Variants in BACH2 observed in about 807,000 individuals in gnomAD.
BACH2 encodes transcription regulator protein BACH2.
In BACH2, 5 loss-of-function variants were observed where a neutral mutation model predicts 61.8. The ratio of observed to expected loss-of-function variants is 0.08; its 90% CI spans 0.04 to 0.17. The LOEUF (loss-of-function observed/expected upper bound fraction) is 0.17, where lower values mean the gene tolerates loss of function less well. Ranked by LOEUF, BACH2 falls within the 10% of genes least tolerant of loss-of-function variation. The pLI is 1.00. For missense variants in BACH2, 824 were observed against 1,091.1 expected (o/e 0.76, Z 3.45); for synonymous variants, 446 against 440.1 (o/e 1.01, Z -0.17).
At chr6:90,164,563 T>A (rs1159778645) in intron 4 of BACH2, among the ~76,000 whole-genome samples, 2 of 152,168 alleles carry the variant, frequency 1.3e-5, no homozygotes, top group African/African-American at 4.8e-5. Flanking sequence ...ACTCATTTTA[T>A]GAGGCCAGCA....
rs1360872392 is a variant in BACH2, at chr6:90,033,416, C to T, written c.-12-24560G>A. 5.3e-5 allele frequency among the ~76,000 whole-genome samples: 8 copies of T among 151,178 alleles called. No individual in the cohort carries two copies. The South Asian group carries it at 1.3e-3, about 24-fold the overall frequency. ...GGCCACAGAGCAACTTTTCCTCACGCACAGGAATGTGCTTTAGTTCTACTC... is the reference window on the plus strand; with the variant it reads ...GGCCACAGAGCAACTTTTCCTCACGTACAGGAATGTGCTTTAGTTCTACTC... On this transcript the variant is annotated intron_variant, in intron 5 of 8. Transcript: ENST00000257749.
In BACH2 at chr6:89,928,183, CA is replaced by C. The variant is rs1233244570; in HGVS notation, c.*4224del. ...AGTCTATTTACAGTCATTTGAGGAC[CA>C]AACTTGATTCTTGCTCCTTCTGGAT... On this transcript the variant is annotated 3_prime_UTR_variant, in exon 9 of 9. Transcript: ENST00000257749. 1 of 152,286 alleles carries C rather than the reference CA, an allele frequency of 6.6e-6. No individual in the cohort carries two copies. Among genetic ancestry groups the C allele is most frequent in the African/African-American group, 2.4e-5 (1 of 41,428 alleles). The allele number at this position is 152,286 out of a possible 1,614,324, so 9.4% of individuals were successfully genotyped here. A position where few individuals can be genotyped will look rare whatever the true frequency, so the allele number is the denominator to read the frequency against.
intron 6 of BACH2, among the ~76,000 whole-genome samples, chr6:89,980,996 C>A (rs1436706469): frequency 6.6e-6 from 1 of 151,306 alleles, no homozygotes; most frequent in African/African-American, 2.4e-5. Flanking sequence ...TTAAAGATGA[C>A]AAATGGTCTA....
chr6:90,257,015 C>T (rs1771001301), intron 2 of BACH2, among the ~76,000 whole-genome samples: 1 of 152,300 alleles, frequency 6.6e-6, no homozygotes, highest in Admixed American at 6.5e-5. Flanking sequence ...AATGGGCTTT[C>T]CCATGTTGTG....
intron 1 of BACH2, among the ~76,000 whole-genome samples, chr6:90,279,039 A>G (rs1247727847): frequency 1.3e-5 from 2 of 152,192 alleles, no homozygotes; most frequent in Admixed American, 1.3e-4. Flanking sequence ...AAGCTGGTGT[A>G]TATTGCACAG....
At chr6:89,991,475 G>A (rs936868964) in intron 6 of BACH2, among the ~76,000 whole-genome samples, 5 of 151,834 alleles carry the variant, frequency 3.3e-5, no homozygotes, top group South Asian at 2.1e-4. Flanking sequence ...GCGTGCACGC[G>A]CATGCACACA....
intron 4 of BACH2, among the ~76,000 whole-genome samples, chr6:90,130,998 A>C (rs531676274): frequency 6.6e-4 from 101 of 152,358 alleles, no homozygotes; most frequent in African/African-American, 2.3e-3. Context: ...AGATGTTATT[A>C]GTGTTAATAT....
At chr6:89,949,959 G>A (rs993158571) in intron 7 of BACH2, among the ~76,000 whole-genome samples, 21 of 151,622 alleles carry the variant, frequency 1.4e-4, no homozygotes, top group Non-Finnish European at 2.8e-4. Context: ...AGAGGGAGGA[G>A]AAAGAGGGGG....
At chr6:90,111,143 A>C (rs1446708429) in intron 4 of BACH2, among the ~76,000 whole-genome samples, 1 of 152,154 alleles carries the variant, frequency 6.6e-6, no homozygotes, top group Non-Finnish European at 1.5e-5. Context: ...TCTTGGTATT[A>C]CTGTGAAAAT....
chr6:89,993,437 G>GA (rs954365341), intron 6 of BACH2, among the ~76,000 whole-genome samples: 3 of 152,044 alleles, frequency 2.0e-5, no homozygotes, highest in African/African-American at 7.2e-5. Flanking sequence ...ATAAAAAAGT[G>GA]AAAAAAAGAT....
intron 4 of BACH2, chr6:90,116,911 T>C: frequency 1.9e-6 from 1 of 519,362 alleles, no homozygotes; most frequent in Non-Finnish European, 3.2e-6. Context: ...GTCTTTTCTC[T>C]GACCATTCCC....
At chr6:89,958,674 G>A (rs1774562336) in intron 6 of BACH2, among the ~76,000 whole-genome samples, 1 of 152,226 alleles carries the variant, frequency 6.6e-6, no homozygotes, top group Non-Finnish European at 1.5e-5. Flanking sequence ...GCAGGATGCT[G>A]GGAGGACAGG....
At chr6:90,027,256 A>G (rs994722007) in intron 5 of BACH2, among the ~76,000 whole-genome samples, 4 of 152,170 alleles carry the variant, frequency 2.6e-5, no homozygotes, top group African/African-American at 9.7e-5. Context: ...GGAATGGGAG[A>G]AAAAGAATGT....
At position 90,169,993 on chromosome 6, in the gene BACH2, C is replaced by G. The variant is rs577625663; in HGVS notation, c.-162+36576G>C. On this transcript the variant is annotated intron_variant, in intron 4 of 8. Transcript: ENST00000257749. ...GAGGATTTTTTACAAGTTTTGGCAT[C>G]GTATAGTTGAAGTTCTATTGTGATC... is the stretch of plus-strand genomic sequence containing the variant. 2.6e-5 allele frequency among the ~76,000 whole-genome samples: 4 copies of G among 152,132 alleles called. No homozygotes were observed. In the South Asian group the frequency reaches 8.3e-4, roughly 31 times the overall value.
chr6:90,080,934 T>C (rs928434380), intron 5 of BACH2, among the ~76,000 whole-genome samples: 2 of 152,114 alleles, frequency 1.3e-5, no homozygotes, highest in African/African-American at 4.8e-5. Flanking sequence ...TTCTGACTTG[T>C]GTTGTAAAAA....
At chr6:90,028,371 C>T (rs980105249) in intron 5 of BACH2, among the ~76,000 whole-genome samples, 3 of 152,214 alleles carry the variant, frequency 2.0e-5, no homozygotes, top group Non-Finnish European at 4.4e-5. Flanking sequence ...CTAAAAGATT[C>T]CATTCCTTCA....
At chr6:90,161,689 T>C (rs1283879108) in intron 4 of BACH2, among the ~76,000 whole-genome samples, 1 of 152,096 alleles carries the variant, frequency 6.6e-6, no homozygotes, top group Non-Finnish European at 1.5e-5. Flanking sequence ...GGCATTATTC[T>C]GGGGAAAAAA....
In BACH2 at chr6:89,928,818, C is replaced by T. The variant is rs533733493; in HGVS notation, c.*3590G>A. Reference sequence around the variant, plus strand: ...ATCATCTCTGATGCCTGAGTCATTGCTGGGAACTCAGAAGATAAATAGCAG... The same window carrying T: ...ATCATCTCTGATGCCTGAGTCATTGTTGGGAACTCAGAAGATAAATAGCAG... On this transcript the variant is annotated 3_prime_UTR_variant, in exon 9 of 9. Transcript: ENST00000257749. 11 of 152,272 alleles carry T rather than the reference C, an allele frequency of 7.2e-5. No individual in the cohort carries two copies. The highest frequency in any genetic ancestry group is 2.7e-4 in the African/African-American group (11 of 41,364). The allele number at this position is 152,272 out of a possible 1,614,324, so 9.4% of individuals were successfully genotyped here.
chr6:90,018,858 G>A (rs1778219293), intron 5 of BACH2, among the ~76,000 whole-genome samples: 1 of 151,898 alleles, frequency 6.6e-6, no homozygotes. Flanking sequence ...TAAGCCACGG[G>A]GTAAGATCGA....
Sources: gnomAD v4.1 joint callset for allele counts (sites outside exome capture counted in the v4.1 genomes callset) on GRCh38, gnomAD v4.1.1 for gene constraint, MANE v1.5 for transcripts, NCBI Gene and HGNC (gene_info 2026-07-23, HGNC 2026-07-21) for gene names.